HOMER1: variants seen among roughly 807,000 people sequenced by gnomAD.
The protein encoded by HOMER1 is homer protein homolog 1.
In HOMER1, 3 loss-of-function variants were observed where a neutral mutation model predicts 48.9. The ratio of observed to expected loss-of-function variants is 0.06; its 90% CI spans 0.03 to 0.16. The LOEUF (loss-of-function observed/expected upper bound fraction) is 0.16. Ranked by LOEUF, HOMER1 falls within the 10% of genes least tolerant of loss-of-function variation. HOMER1 has a pLI of 1.00. For missense variants in HOMER1, 247 were observed against 411.4 expected, an observed-to-expected ratio of 0.60 and a Z score of 3.46; for synonymous variants, 134 against 146.4, an observed-to-expected ratio of 0.92 and a Z score of 0.61.
At chr5:79,501,458 A>G (rs1201136031) in intron 1 of HOMER1, among the ~76,000 whole-genome samples, 1 of 152,204 alleles carries the variant, frequency 6.6e-6, no homozygotes, top group African/African-American at 2.4e-5. Flanking sequence ...TGGTGGGGCA[A>G]TTAGTACCTC....
At chr5:79,402,140 G>C (rs1263672440) in intron 5 of HOMER1, 85 bp from the exon 6 acceptor site, 6 of 1,113,418 alleles carry the variant, frequency 5.4e-6, no homozygotes, top group South Asian at 3.1e-5. Context: ...TCTATTGTAG[G>C]GTTTATAGTC....
intron 8 of HOMER1, among the ~76,000 whole-genome samples, chr5:79,387,708 T>C (rs1408898474): frequency 2.6e-5 from 4 of 152,186 alleles, no homozygotes; most frequent in Admixed American, 2.6e-4. Context: ...TGGTTCTTGT[T>C]TTAATAGAAC....
At chr5:79,404,806 C>T (rs1379717623) in intron 5 of HOMER1, among the ~76,000 whole-genome samples, 3 of 151,892 alleles carry the variant, frequency 2.0e-5, no homozygotes, top group Admixed American at 6.6e-5. Flanking sequence ...CAGGTTCAAG[C>T]GATTCTCCTG....
intron 8 of HOMER1, among the ~76,000 whole-genome samples, chr5:79,382,367 A>T (rs1379575277): frequency 6.6e-6 from 1 of 152,210 alleles, no homozygotes; most frequent in Non-Finnish European, 1.5e-5. Context: ...CATTATAGTC[A>T]AATTGTCTAA....
At chr5:79,389,428 C>T (rs1749192358) in intron 8 of HOMER1, among the ~76,000 whole-genome samples, 1 of 152,076 alleles carries the variant, frequency 6.6e-6, no homozygotes, top group Non-Finnish European at 1.5e-5. Flanking sequence ...GAATGTGTCC[C>T]CTCCAAAATC....
chr5:79,503,795 G>A (rs1561390809), intron 1 of HOMER1, among the ~76,000 whole-genome samples: 1 of 151,940 alleles, frequency 6.6e-6, no homozygotes, highest in Non-Finnish European at 1.5e-5. Flanking sequence ...TTAAGTGGAA[G>A]TCGATCATCA....
At chr5:79,379,299 TTGTC>T (rs1173208463) in intron 8 of HOMER1, among the ~76,000 whole-genome samples, 35 of 106,580 alleles carry the variant, frequency 3.3e-4, no homozygotes, top group Admixed American at 9.4e-4. Flanking sequence ...TATATTAAAA[TTGTC>T]TGTAATATAA....
intron 1 of HOMER1, among the ~76,000 whole-genome samples, chr5:79,511,393 TC>T (rs1752937754): frequency 3.3e-5 from 5 of 152,234 alleles, no homozygotes; most frequent in African/African-American, 4.8e-5. Flanking sequence ...CAACTAGTGA[TC>T]ATTAAAATGA....
At chr5:79,490,338 A>G (rs1453108574) in intron 1 of HOMER1, among the ~76,000 whole-genome samples, 1 of 152,224 alleles carries the variant, frequency 6.6e-6, no homozygotes, top group East Asian at 1.9e-4. Context: ...ATAAATTGAC[A>G]ATACCTGACC....
At chr5:79,403,771 T>A (rs1351417113) in intron 5 of HOMER1, among the ~76,000 whole-genome samples, 1 of 152,216 alleles carries the variant, frequency 6.6e-6, no homozygotes, top group Non-Finnish European at 1.5e-5. Context: ...GTGAAGTGTA[T>A]ACGGGCACTC....
chr5:79,508,609 A>G (rs1580050042), intron 1 of HOMER1, among the ~76,000 whole-genome samples: 1 of 152,186 alleles, frequency 6.6e-6, no homozygotes, highest in South Asian at 2.1e-4. Flanking sequence ...AGTGGTGTCA[A>G]TCACTGTTCT....
chr5:79,378,106 G>A (rs1748821554), intron 8 of HOMER1, among the ~76,000 whole-genome samples: 1 of 151,606 alleles, frequency 6.6e-6, no homozygotes. Flanking sequence ...TGTAATCTCA[G>A]CTACTCGGGA....
At chr5:79,387,249 C>A (rs1296597726) in intron 8 of HOMER1, among the ~76,000 whole-genome samples, 1 of 151,844 alleles carries the variant, frequency 6.6e-6, no homozygotes, top group Non-Finnish European at 1.5e-5. Flanking sequence ...TGCCTCAGCT[C>A]CTGAGTAGCT....
At chr5:79,500,623 T>C (rs1752549598) in intron 1 of HOMER1, among the ~76,000 whole-genome samples, 1 of 147,190 alleles carries the variant, frequency 6.8e-6, no homozygotes, top group South Asian at 2.2e-4. Flanking sequence ...AAACAATAAA[T>C]ATATTTTATC....
At chr5:79,432,125 G>A (rs373551338) in intron 5 of HOMER1, among the ~76,000 whole-genome samples, 1 of 152,166 alleles carries the variant, frequency 6.6e-6, no homozygotes, top group East Asian at 1.9e-4. Context: ...CTCTGCCTAG[G>A]TTTACACCTT....
intron 1 of HOMER1, among the ~76,000 whole-genome samples, chr5:79,507,455 T>C (rs1752810046): frequency 6.6e-6 from 1 of 151,992 alleles, no homozygotes; most frequent in Non-Finnish European, 1.5e-5. Context: ...ACAGAAATAT[T>C]AGCCACGGGT....
At chr5:79,402,648 C>T (rs981712187) in intron 5 of HOMER1, among the ~76,000 whole-genome samples, 1 of 151,942 alleles carries the variant, frequency 6.6e-6, no homozygotes, top group African/African-American at 2.4e-5. Flanking sequence ...GAAGAGTTTC[C>T]ACCCATTCTC....
intron 4 of HOMER1, among the ~76,000 whole-genome samples, chr5:79,446,542 T>G (rs1346476448): frequency 6.6e-6 from 1 of 152,192 alleles, no homozygotes; most frequent in Non-Finnish European, 1.5e-5. Flanking sequence ...TTGAATTGAA[T>G]TACTAAACTG....
chr5:79,487,496 A>G (rs922937989), intron 1 of HOMER1, among the ~76,000 whole-genome samples: 1 of 152,196 alleles, frequency 6.6e-6, no homozygotes, highest in Non-Finnish European at 1.5e-5. Flanking sequence ...GCATGCCGAG[A>G]TCTAGCAACA....
Sources: gnomAD v4.1 joint callset for allele counts (sites outside exome capture counted in the v4.1 genomes callset) on GRCh38, gnomAD v4.1.1 for gene constraint, MANE v1.5 for transcripts, NCBI Gene and HGNC (gene_info 2026-07-23, HGNC 2026-07-21) for gene names.